Variants in CAPNS1 observed in about 807,000 individuals in gnomAD.
CAPNS1 encodes CANP small subunit.
In CAPNS1, 32 loss-of-function variants were observed where a neutral mutation model predicts 39.2. That is an observed-to-expected ratio of 0.82 (90% CI 0.62 to 1.10). The LOEUF is 1.10. Among genes scored for constraint, CAPNS1 ranks in the 50% least tolerant of loss-of-function variants. The probability of loss-of-function intolerance (pLI) is 0.00; values close to 1 mark genes in which losing one functional copy is unlikely to be tolerated. For synonymous variants in CAPNS1, 153 were observed against 136.2 expected (o/e 1.12, Z -0.86); for missense variants, 353 against 373.1 (o/e 0.95, Z 0.44).
intron 10 of CAPNS1, 85 bp downstream of exon 10, chr19:36,149,721 T>A (rs1974705279): frequency 6.3e-7 from 1 of 1,590,296 alleles, no homozygotes; most frequent in Non-Finnish European, 8.6e-7. Flanking sequence ...GCAGTCCCCT[T>A]CCTCCTATTT....
chr19:36,146,557 G>A (rs967759263), intron 9 of CAPNS1, among the ~76,000 whole-genome samples: 1 of 152,142 alleles, frequency 6.6e-6, no homozygotes, highest in African/African-American at 2.4e-5. Context: ...GGGTTGTGAT[G>A]GGGGCAGCAC....
At chr19:36,146,550 T>C (rs1974573980) in intron 9 of CAPNS1, among the ~76,000 whole-genome samples, 1 of 151,528 alleles carries the variant, frequency 6.6e-6, no homozygotes, top group Admixed American at 6.6e-5. Flanking sequence ...GAGTGATGGG[T>C]TGTGATGGGG....
chr19:36,144,068 C>T (rs1221778980), intron 6 of CAPNS1: 17 of 144,398 alleles, frequency 1.2e-4, no homozygotes, highest in African/African-American at 3.9e-4. Flanking sequence ...CCCAGCTACT[C>T]GGGAGGCTGA....
At chr19:36,140,972 C>T (rs751878500) in intron 1 of CAPNS1, 25 bp from the exon 2 acceptor site, 2 of 1,596,654 alleles carry the variant, frequency 1.3e-6, no homozygotes, top group East Asian at 4.7e-5. Context: ...GCGAAGCACC[C>T]ACTGGTCCCC....
intron 9 of CAPNS1, among the ~76,000 whole-genome samples, chr19:36,147,181 G>A (rs1974598421): frequency 1.3e-5 from 2 of 152,220 alleles, no homozygotes; most frequent in Non-Finnish European, 2.9e-5. Flanking sequence ...TGAAGACATG[G>A]CTGGGAAGTG....
chr19:36,140,857 G>T, intron 1 of CAPNS1, 140 bp from the exon 2 acceptor site: 1 of 1,351,326 alleles, frequency 7.4e-7, no homozygotes, highest in Middle Eastern at 2.7e-4. Context: ...ACCCATCCGC[G>T]GACAACCCGC....
intron 8 of CAPNS1, 26 bp downstream of exon 8, chr19:36,146,080 G>A: frequency 6.2e-7 from 1 of 1,611,098 alleles, no homozygotes; most frequent in Non-Finnish European, 8.5e-7. Flanking sequence ...ACATGCTGGG[G>A]CTGGGAGTGG....
At chr19:36,145,900 G>T (rs776222155) in intron 7 of CAPNS1, 26 bp downstream of exon 7, 2 of 1,613,632 alleles carry the variant, frequency 1.2e-6, no homozygotes, top group South Asian at 2.2e-5. Context: ...TGAAATCCCT[G>T]GCACCCAGAC....
chr19:36,141,315 G>A, intron 2 of CAPNS1, 95 bp downstream of exon 2: 1 of 1,411,452 alleles, frequency 7.1e-7, no homozygotes, highest in Non-Finnish European at 9.2e-7. Context: ...AATAGAATAG[G>A]ATTAACCTGG....
intron 10 of CAPNS1, 56 bp from the exon 11 acceptor site, chr19:36,149,757 A>C: frequency 6.3e-7 from 1 of 1,586,300 alleles, no homozygotes; most frequent in South Asian, 1.1e-5. Context: ...GGTGAGGGCA[A>C]AGGGGCTGGT....
chr19:36,141,149 CGGCGGTGGTGGAGGCGGCGGT>C lies in CAPNS1; in HGVS notation c.147_167del (p.Gly50_Gly56del), dbSNP rs777440013. The stretch of plus-strand genomic sequence containing the variant: ...GCGGCGGCGGCGGCGGCGGCGGCGG[CGGCGGTGGTGGAGGCGGCGGT>C]GGCGGTGGAACGGCCATGCGCATCC... On this transcript the variant is annotated inframe_deletion, in exon 2 of 11. Coordinates refer to ENST00000246533, the MANE Select transcript of CAPNS1 (RefSeq NM_001749.4). 7.9e-6 allele frequency: 11 copies of C among 1,385,964 alleles called. No homozygotes were observed. Among genetic ancestry groups the C allele is most frequent in the South Asian group, 5.2e-5 (3 of 57,392 alleles). The allele number at this position is 1,385,964 out of a possible 1,614,324, so 85.9% of individuals were successfully genotyped here.
At chr19:36,149,023 T>C (rs1218051932) in intron 9 of CAPNS1, among the ~76,000 whole-genome samples, 1 of 152,114 alleles carries the variant, frequency 6.6e-6, no homozygotes, top group Non-Finnish European at 1.5e-5. Context: ...CTCCCTCTAG[T>C]AGCCTGTTAG....
Position 36,141,143 on chromosome 19 carries a change from C to G in CAPNS1, c.132C>G (p.Gly44=). Residue 44 remains glycine, a synonymous_variant, in exon 2 of 11, where the codon GGC becomes GGG. Coordinates refer to ENST00000246533, the MANE Select transcript of CAPNS1 (RefSeq NM_001749.4). ...SGAGGGGGGG[G]GGGGGGGGGG... ...CCGGGGGCGGCGGCGGCGGCGGCGG[C>G]GGCGGCGGCGGTGGTGGAGGCGGCG... is the stretch of plus-strand genomic sequence containing the variant. 1 of 1,386,388 alleles carries G rather than the reference C, an allele frequency of 7.2e-7. No individual in the cohort carries two copies. The highest frequency in any genetic ancestry group is 9.3e-7 in the Non-Finnish European group (1 of 1,073,496). 85.9% of individuals were successfully genotyped at this position (1,386,388 alleles called of 1,614,324 possible).
intron 9 of CAPNS1, among the ~76,000 whole-genome samples, chr19:36,147,073 T>A (rs1165281094): frequency 6.6e-6 from 1 of 152,206 alleles, no homozygotes; most frequent in Non-Finnish European, 1.5e-5. Flanking sequence ...CTTGAACTCC[T>A]GGGCTCCAGC....
intron 6 of CAPNS1, among the ~76,000 whole-genome samples, chr19:36,145,197 CTT>C (rs1974519130): frequency 1.7e-5 from 2 of 117,512 alleles, no homozygotes; most frequent in East Asian, 3.2e-4. Flanking sequence ...ATTTTCTTTT[CTT>C]TCTCTTTTTT....
Position 36,148,520 on chromosome 19 carries a change from A to AAG in CAPNS1, c.722-1057_722-1056insGA, listed in dbSNP as rs1320978714. Among the ~76,000 whole-genome samples, 5 of 150,204 alleles carry AAG rather than the reference A, an allele frequency of 3.3e-5. No individual in the cohort carries two copies. In the East Asian group the frequency reaches 9.8e-4, roughly 29 times the overall value. On this transcript the variant is annotated intron_variant, in intron 9 of 10. Coordinates refer to ENST00000246533, the MANE Select transcript of CAPNS1 (RefSeq NM_001749.4). ...CCACAGAGACACCGTCTAAAAAAAA[A>AAG]AAAAAAAGGGCTGGGCATGGTGGCT... is the stretch of plus-strand genomic sequence containing the variant.
chr19:36,149,690 C>T, intron 10 of CAPNS1, 54 bp downstream of exon 10: 1 of 1,594,998 alleles, frequency 6.3e-7, no homozygotes, highest in East Asian at 2.3e-5. Flanking sequence ...ACCCCTCAGC[C>T]CTTCATACCA....
At chr19:36,144,735 C>T (rs1439126102) in intron 6 of CAPNS1, among the ~76,000 whole-genome samples, 1 of 152,122 alleles carries the variant, frequency 6.6e-6, no homozygotes, top group Non-Finnish European at 1.5e-5. Context: ...ATATACATGT[C>T]ATGTAATCAC....
intron 6 of CAPNS1, among the ~76,000 whole-genome samples, chr19:36,143,697 CA>C (rs35391713): frequency 0.32 from 37,465 of 118,646 alleles, 5,126 homozygotes; most frequent in Middle Eastern, 0.43. Flanking sequence ...CTGTCTCTAC[CA>C]AAAAAAAAAA....
Sources: gnomAD v4.1 joint callset for allele counts (sites outside exome capture counted in the v4.1 genomes callset) on GRCh38, gnomAD v4.1.1 for gene constraint, MANE v1.5 for transcripts, NCBI Gene and HGNC (gene_info 2026-07-23, HGNC 2026-07-21) for gene names.